PHYH: variants seen among roughly 807,000 people sequenced by gnomAD.
PHYH encodes the protein phytanoyl-CoA 2-hydroxylase.
In PHYH, 32 loss-of-function variants were observed where a neutral mutation model predicts 38.5. The observed-to-expected ratio is 0.83, with a 90% CI of 0.63 to 1.12. The LOEUF is 1.12. PHYH is among the 50% of genes most tolerant of loss of function. PHYH has a pLI of 0.00. For missense variants in PHYH, 426 were observed against 434.8 expected (o/e 0.98, Z 0.18); for synonymous variants, 166 against 157.9 (o/e 1.05, Z -0.38).
chr10:13,280,318 C>T (rs1418699479), intron 8 of PHYH, among the ~76,000 whole-genome samples: 1 of 151,354 alleles, frequency 6.6e-6, no homozygotes, highest in African/African-American at 2.4e-5. Context: ...GGATCTCAAA[C>T]CTATAACTTT....
chr10:13,299,945 G>A (rs1272310427), intron 1 of PHYH, 23 bp downstream of exon 1: 2 of 1,514,564 alleles, frequency 1.3e-6, no homozygotes, highest in African/African-American at 1.4e-5. Context: ...TCCAGCCCGA[G>A]CCCCGCGCAG....
At chr10:13,291,074 A>T (rs975475797) in intron 5 of PHYH, among the ~76,000 whole-genome samples, 3 of 129,794 alleles carry the variant, frequency 2.3e-5, no homozygotes, top group Non-Finnish European at 4.7e-5. Context: ...ATCGCACTCC[A>T]GCCTGGGCAA....
chr10:13,292,354 G>C (rs1035396889), intron 4 of PHYH, among the ~76,000 whole-genome samples: 1 of 152,166 alleles, frequency 6.6e-6, no homozygotes, highest in Non-Finnish European at 1.5e-5. Context: ...TTGACAATCG[G>C]GGACGCTTGG....
chr10:13,291,951 G>A, intron 4 of PHYH, 39 bp from the exon 5 acceptor site: 1 of 1,409,350 alleles, frequency 7.1e-7, no homozygotes, highest in Non-Finnish European at 1.0e-6. Context: ...AACCTTGTGG[G>A]AAATCAGAAG....
rs1835334685 is a variant in PHYH, at chr10:13,278,255, GT to G, written c.*45del. On this transcript the variant is annotated 3_prime_UTR_variant, in exon 9 of 9. Transcript: ENST00000263038. ...AGAAAACATTTTCCTTAGACATTTCGTTTGGTTTTGGTTTTCTGTTGAAAGA... is the reference window on the plus strand; with the variant it reads ...AGAAAACATTTTCCTTAGACATTTCGTTGGTTTTGGTTTTCTGTTGAAAGA... 2.4e-6 allele frequency: 3 copies of G among 1,273,160 alleles called. No homozygotes were observed. 78.9% of individuals were successfully genotyped at this position (1,273,160 alleles called of 1,614,324 possible). A position where few individuals can be genotyped will look rare whatever the true frequency, so the allele number is the denominator to read the frequency against.
At chr10:13,281,227 G>T in intron 7 of PHYH, 117 bp from the exon 8 acceptor site, 1 of 1,026,878 alleles carries the variant, frequency 9.7e-7, no homozygotes, top group Non-Finnish European at 1.5e-6. Flanking sequence ...ATTTCTAAGT[G>T]GAAAGTCAGG....
chr10:13,282,242 T>C (rs1202495789), intron 7 of PHYH, among the ~76,000 whole-genome samples: 1 of 150,232 alleles, frequency 6.7e-6, no homozygotes, highest in Non-Finnish European at 1.5e-5. Context: ...AAGAGCAAGA[T>C]GCTGTCTCAA....
At chr10:13,291,957 A>G (rs765489296) in intron 4 of PHYH, 45 bp from the exon 5 acceptor site, 2 of 1,358,328 alleles carry the variant, frequency 1.5e-6, no homozygotes, top group Non-Finnish European at 2.1e-6. Context: ...GTGGGAAATC[A>G]GAAGTATTGA....
At chr10:13,286,856 C>G (rs1419515097) in intron 6 of PHYH, among the ~76,000 whole-genome samples, 1 of 152,106 alleles carries the variant, frequency 6.6e-6, no homozygotes, top group Non-Finnish European at 1.5e-5. Flanking sequence ...GCAAACTAAC[C>G]TGCAGTAACA....
At position 13,287,794 on chromosome 10, in the gene PHYH, C is replaced by T. The variant is rs530271450; in HGVS notation, c.678+566G>A. Among the ~76,000 whole-genome samples, 32 of 152,270 alleles carry T rather than the reference C, an allele frequency of 2.1e-4. No homozygotes were observed. The South Asian group carries it at 6.4e-3, about 31-fold the overall frequency. On this transcript the variant is annotated intron_variant, in intron 6 of 8. Transcript: ENST00000263038. ...GGTGTCTACCACACACATCTGGGGT[C>T]GAAGGGTTTATGTCTTACCTCTGCA...
At chr10:13,298,925 T>TAAA (rs1161634544) in intron 1 of PHYH, among the ~76,000 whole-genome samples, 4 of 14,954 alleles carry the variant, frequency 2.7e-4, no homozygotes, top group African/African-American at 1.1e-3. Context: ...GTCTCAAAAA[T>TAAA]AATAATAATA....
intron 5 of PHYH, 111 bp from the exon 6 acceptor site, chr10:13,288,652 G>A: frequency 9.6e-7 from 1 of 1,042,102 alleles, no homozygotes; most frequent in Non-Finnish European, 1.5e-6. Flanking sequence ...GGAGGCTGAG[G>A]CAGATGGATG....
rs1391311462 is a variant in PHYH, at chr10:13,284,187, G to A, written c.679-348C>T. On this transcript the variant is annotated intron_variant, in intron 6 of 8. Transcript: ENST00000263038. ...AAACTGCAAAAATTAGCTGGGCGTG[G>A]TGGTGCCAGCCTGTGGTCCCAGCTA... Among the ~76,000 whole-genome samples, 3 of 152,226 alleles carry A rather than the reference G, an allele frequency of 2.0e-5. No homozygotes were observed. In the East Asian group the frequency reaches 5.8e-4, roughly 29 times the overall value.
Position 13,278,123 on chromosome 10 carries a change from C to A in PHYH, c.*178G>T. On this transcript the variant is annotated 3_prime_UTR_variant, in exon 9 of 9. Transcript: ENST00000263038. ...TTTCACTTTTACTGTTTTTTTTTTC[C>A]ATTAAAGCAACACCATTGTGCTGCA... is the stretch of plus-strand genomic sequence containing the variant. 3 of 595,280 alleles carry A rather than the reference C, an allele frequency of 5.0e-6. No individual in the cohort carries two copies. The highest frequency in any genetic ancestry group is 3.0e-6 in the Non-Finnish European group (1 of 329,408). The allele number at this position is 595,280 out of a possible 1,614,324, so 36.9% of individuals were successfully genotyped here.
chr10:13,278,452 C>T, intron 8 of PHYH, 98 bp from the exon 9 acceptor site: 2 of 849,184 alleles, frequency 2.4e-6, no homozygotes, highest in Admixed American at 3.6e-5. Context: ...TTTCTAGCTT[C>T]TATGAAAGGT....
Position 13,295,619 on chromosome 10 carries a change from A to G in PHYH, c.135-13T>C, listed in dbSNP as rs904885684. 1 of 1,007,208 alleles carries G rather than the reference A, an allele frequency of 9.9e-7. No individual in the cohort carries two copies. Among genetic ancestry groups the G allele is most frequent in the African/African-American group, 1.6e-5 (1 of 63,846 alleles). The allele number at this position is 1,007,208 out of a possible 1,614,324, so 62.4% of individuals were successfully genotyped here. ...ATCCAGAGTATACCTAAAGGAGAAA[A>G]AGAATCCCAAAATAAGTTACATTTT... On this transcript the variant is annotated splice_polypyrimidine_tract_variant and intron_variant, in intron 2 of 8. Coordinates refer to ENST00000263038, the MANE Select transcript of PHYH (RefSeq NM_006214.4).
In PHYH at chr10:13,286,632, C is replaced by T. The variant is rs147002664; in HGVS notation, c.678+1728G>A. On this transcript the variant is annotated intron_variant, in intron 6 of 8. Coordinates refer to ENST00000263038, the MANE Select transcript of PHYH (RefSeq NM_006214.4). Reference sequence around the variant, plus strand: ...AGGAAAATTGCTGGAACAAGGGAGTCGGAGGTTGCAGTGAGCCAAGATCGT... The same window carrying T: ...AGGAAAATTGCTGGAACAAGGGAGTTGGAGGTTGCAGTGAGCCAAGATCGT... Among the ~76,000 whole-genome samples, 1,042 of 149,398 alleles carry T rather than the reference C, an allele frequency of 7.0e-3. 11 individuals are homozygous for T. The highest frequency in any genetic ancestry group is 0.024 in the African/African-American group (971 of 40,660).
At chr10:13,298,595 A>G (rs796096174) in intron 1 of PHYH, among the ~76,000 whole-genome samples, 16 of 151,972 alleles carry the variant, frequency 1.1e-4, no homozygotes, top group African/African-American at 3.9e-4. Flanking sequence ...CAGCTACTGG[A>G]GAGGCTAAGA....
At position 13,283,787 on chromosome 10, in the gene PHYH, G is replaced by C. The variant is rs759088006; in HGVS notation, c.731C>G (p.Ala244Gly). 17 of 1,613,728 alleles carry C rather than the reference G, an allele frequency of 1.1e-5. No homozygotes were observed. In the African/African-American group the frequency reaches 1.6e-4, roughly 15 times the overall value. The change falls in exon 7 of 9, where the codon GCC (alanine) becomes GGC (glycine). Residue 244 changes from alanine (A) to glycine (G), a missense_variant. Ala to Gly is a moderately conservative substitution (Grantham distance 60, BLOSUM62 0). Coordinates refer to ENST00000263038, the MANE Select transcript of PHYH (RefSeq NM_006214.4). ...CTTCTCCATCACCAGGTGCACCCGG[G>C]CCTTGTTTTCCTCGTAGTCCTGGAT... Reference protein sequence around the residue: ...HGIQDYEENKARVHLVMEKGD... With the variant: ...HGIQDYEENKGRVHLVMEKGD...
Sources: allele counts gnomAD v4.1 joint callset (sites outside exome capture counted in the v4.1 genomes callset), GRCh38; gene constraint gnomAD v4.1.1; transcripts MANE v1.5; gene names NCBI Gene and HGNC (gene_info 2026-07-23, HGNC 2026-07-21).